The following MDGA2 variants were observed in gnomAD, a reference collection of about 807,000 sequenced individuals.
The protein encoded by MDGA2 is MAM domain-containing glycosylphosphatidylinositol anchor protein 2.
MDGA2 carries 40 observed loss-of-function variants against 117.8 expected under a neutral mutation model. The ratio of observed to expected loss-of-function variants is 0.34; its 90% confidence interval spans 0.26 to 0.44. MDGA2 has a LOEUF of 0.44. Among genes scored for constraint, MDGA2 ranks in the 20% least tolerant of loss-of-function variants. MDGA2 has a pLI of 1.00. For synonymous variants in MDGA2, 452 were observed against 439.0 expected (o/e 1.03, Z -0.37); for missense variants, 1,123 against 1,250.6 (o/e 0.90, Z 1.54).
intron 1 of MDGA2, among the ~76,000 whole-genome samples, chr14:47,494,876 T>TTA (rs10627834): frequency 0.11 from 16,098 of 140,942 alleles, 921 homozygotes; most frequent in African/African-American, 0.14. Flanking sequence ...TAAAATGTGA[T>TTA]TATATATATA....
intron 8 of MDGA2, among the ~76,000 whole-genome samples, chr14:46,967,999 A>T (rs1886104375): frequency 6.6e-6 from 1 of 152,148 alleles, no homozygotes. Context: ...CAATGACTTC[A>T]ATAATCCGAA....
chr14:47,674,801 A>C lies in MDGA2; in HGVS notation c.-5T>G, dbSNP rs972766465. 21 of 640,422 alleles carry C rather than the reference A, an allele frequency of 3.3e-5. No individual in the cohort carries two copies. In the East Asian group the frequency reaches 5.6e-4, roughly 17 times the overall value. The allele number at this position is 640,422 out of a possible 1,614,324, so 39.7% of individuals were successfully genotyped here. A position where few individuals can be genotyped will look rare whatever the true frequency, so the allele number is the denominator to read the frequency against. On this transcript the variant is annotated 5_prime_UTR_variant, in exon 1 of 17. Transcript: ENST00000399232. ...CCCCGCACTCCACACACTCATGCAC[A>C]CACACACTCACACACACTCACACAC... is the stretch of plus-strand genomic sequence containing the variant.
intron 1 of MDGA2, among the ~76,000 whole-genome samples, chr14:47,620,311 TGGA>T (rs1195074741): frequency 6.6e-6 from 1 of 152,254 alleles, no homozygotes; most frequent in African/African-American, 2.4e-5. Flanking sequence ...CCAGGACACA[TGGA>T]ACAAAATGAT....
At position 47,218,171 on chromosome 14, in the gene MDGA2, T is replaced by C. The variant is rs1454076854; in HGVS notation, c.445A>G (p.Ser149Gly). The C allele has an allele frequency of 6.5e-7, 1 of 1,549,244 alleles. No individual in the cohort carries two copies. Among genetic ancestry groups the C allele is most frequent in the Admixed American group, 2.0e-5 (1 of 50,744 alleles). Residue 149 changes from serine to glycine, a missense_variant, in exon 3 of 17, where the codon AGT becomes GGT. By Grantham distance (56) the Ser-to-Gly change is moderately conservative (BLOSUM62 0). Transcript: ENST00000399232. ...GAGTCTTGGAATCTGTCAGAGGCAC[T>C]TCCTGCTGTTTTGGTCCACCTGATC... ...PQIRWTKTAG[S>G]ASDRFQDSSV...
intron 8 of MDGA2, among the ~76,000 whole-genome samples, chr14:46,988,323 T>A (rs1238797855): frequency 1.3e-5 from 2 of 151,840 alleles, no homozygotes; most frequent in African/African-American, 4.8e-5. Flanking sequence ...ACAAGAAGGG[T>A]TGATGGAAAA....
At chr14:46,873,122 G>A (rs763795293) in intron 14 of MDGA2, among the ~76,000 whole-genome samples, 7 of 151,764 alleles carry the variant, frequency 4.6e-5, no homozygotes, top group Non-Finnish European at 7.4e-5. Flanking sequence ...ATGTTTCTTC[G>A]GAAAGAAGCA....
chr14:47,096,781 A>T (rs991200041), intron 6 of MDGA2, 73 bp downstream of exon 6: 2 of 1,444,382 alleles, frequency 1.4e-6, no homozygotes, highest in Non-Finnish European at 1.9e-6. Flanking sequence ...AGGTAATTTT[A>T]TATCAACCAT....
chr14:47,185,481 A>AAT (rs1008414212), intron 3 of MDGA2, among the ~76,000 whole-genome samples: 3 of 151,576 alleles, frequency 2.0e-5, no homozygotes, highest in African/African-American at 7.2e-5. Context: ...ATGTGATGGC[A>AAT]ATATATATAC....
chr14:46,869,495 C>A (rs1430484118), intron 14 of MDGA2, among the ~76,000 whole-genome samples: 3 of 151,668 alleles, frequency 2.0e-5, no homozygotes, highest in African/African-American at 4.8e-5. Flanking sequence ...TATAAATCAG[C>A]AGGTACTTTA....
intron 7 of MDGA2, among the ~76,000 whole-genome samples, chr14:47,055,169 T>C (rs192526616): frequency 2.0e-5 from 3 of 152,140 alleles, no homozygotes; most frequent in Admixed American, 1.3e-4. Flanking sequence ...AAAGCTGTCA[T>C]TGTCAGATTG....
At chr14:47,619,116 T>TATACACACAC (rs140667074) in intron 1 of MDGA2, among the ~76,000 whole-genome samples, 7,954 of 90,652 alleles carry the variant, frequency 0.088, 219 homozygotes, top group Middle Eastern at 0.12. Context: ...TCAGTTTAAT[T>TATACACACAC]ACACACACAC....
At chr14:47,140,507 C>G (rs1287426966) in intron 4 of MDGA2, among the ~76,000 whole-genome samples, 1 of 151,994 alleles carries the variant, frequency 6.6e-6, no homozygotes, top group Non-Finnish European at 1.5e-5. Flanking sequence ...ATGGAATAGA[C>G]AGCACATAAC....
chr14:47,080,814 C>A (rs1474359071), intron 6 of MDGA2, among the ~76,000 whole-genome samples: 1 of 152,170 alleles, frequency 6.6e-6, no homozygotes, highest in Non-Finnish European at 1.5e-5. Flanking sequence ...CTGCTCATTT[C>A]CTTTCTTCAA....
At chr14:47,170,697 G>C (rs1452487585) in intron 3 of MDGA2, among the ~76,000 whole-genome samples, 1 of 149,660 alleles carries the variant, frequency 6.7e-6, no homozygotes, top group Non-Finnish European at 1.5e-5. Context: ...ATTAGATACA[G>C]AGTTATCATA....
chr14:47,539,991 G>A (rs1895304714), intron 1 of MDGA2, among the ~76,000 whole-genome samples: 1 of 152,072 alleles, frequency 6.6e-6, no homozygotes. Context: ...CCTTAAAAGA[G>A]CCACAGGGAT....
chr14:46,875,215 T>C (rs1196899287), intron 12 of MDGA2, among the ~76,000 whole-genome samples: 1 of 151,718 alleles, frequency 6.6e-6, no homozygotes, highest in Non-Finnish European at 1.5e-5. Flanking sequence ...GAGACTTCCA[T>C]TTTAGTCTCT....
At chr14:47,000,280 T>C (rs1887455641) in intron 8 of MDGA2, among the ~76,000 whole-genome samples, 2 of 145,776 alleles carry the variant, frequency 1.4e-5, no homozygotes, top group Non-Finnish European at 3.0e-5. Flanking sequence ...GCTCTAAGGA[T>C]AATAATAGCT....
At chr14:47,511,122 C>G (rs1386262241) in intron 1 of MDGA2, among the ~76,000 whole-genome samples, 1 of 152,134 alleles carries the variant, frequency 6.6e-6, no homozygotes, top group Non-Finnish European at 1.5e-5. Flanking sequence ...ATATTTCATT[C>G]ATTAGTGTTC....
chr14:47,179,521 C>G (rs1043885203), intron 3 of MDGA2, among the ~76,000 whole-genome samples: 1 of 151,934 alleles, frequency 6.6e-6, no homozygotes, highest in Non-Finnish European at 1.5e-5. Flanking sequence ...CACAACACAT[C>G]CCTGTATTAA....
Sources: gnomAD v4.1 joint callset for allele counts (sites outside exome capture counted in the v4.1 genomes callset) on GRCh38, gnomAD v4.1.1 for gene constraint, MANE v1.5 for transcripts, NCBI Gene and HGNC (gene_info 2026-07-23, HGNC 2026-07-21) for gene names.